The following PACRG variants were observed in gnomAD, a reference collection of about 807,000 sequenced individuals.
PACRG encodes parkin coregulated, also known as parkin coregulated gene protein.
Under a neutral mutation model 29.7 loss-of-function variants are expected in PACRG, and 29 were observed. That is an observed-to-expected ratio of 0.98 (90% CI 0.73 to 1.33). PACRG has a LOEUF of 1.33. Ranked by LOEUF, PACRG falls within the 40% of genes most tolerant of loss-of-function variation. The pLI, the probability that PACRG is intolerant of heterozygous loss-of-function variation, is 0.00. For missense variants in PACRG, 279 were observed against 316.2 expected, an observed-to-expected ratio of 0.88 and a Z score of 0.89; for synonymous variants, 116 against 118.7, an observed-to-expected ratio of 0.98 and a Z score of 0.15.
intron 2 of PACRG, among the ~76,000 whole-genome samples, chr6:163,023,810 A>G (rs962772971): frequency 2.0e-5 from 3 of 152,022 alleles, no homozygotes; most frequent in Non-Finnish European, 4.4e-5. Flanking sequence ...TTTGATTTGC[A>G]TTTCTCTGAT....
At chr6:162,905,628 A>G (rs1009121625) in intron 2 of PACRG, among the ~76,000 whole-genome samples, 5 of 152,206 alleles carry the variant, frequency 3.3e-5, no homozygotes, top group African/African-American at 1.2e-4. Context: ...AGAGAGGGAG[A>G]CAGGGAAAAA....
At chr6:163,272,043 CTTTTTTTTTT>C (rs11381981) in intron 4 of PACRG, among the ~76,000 whole-genome samples, 12 of 143,024 alleles carry the variant, frequency 8.4e-5, no homozygotes, top group Admixed American at 4.9e-4. Flanking sequence ...TTTCCTTTTT[CTTTTTTTTTT>C]TTCAAGATGG....
chr6:162,749,927 C>A (rs1354044314), intron 1 of PACRG, among the ~76,000 whole-genome samples: 5 of 152,164 alleles, frequency 3.3e-5, no homozygotes, highest in Non-Finnish European at 7.4e-5. Flanking sequence ...CTATTAAATA[C>A]ATAGTTTCTA....
intron 2 of PACRG, among the ~76,000 whole-genome samples, chr6:162,948,289 A>T (rs1186448150): frequency 6.6e-6 from 1 of 152,080 alleles, no homozygotes; most frequent in African/African-American, 2.4e-5. Flanking sequence ...CAACATACAT[A>T]GGGGGAAAAC....
At chr6:163,286,794 T>C (rs187900490) in intron 4 of PACRG, among the ~76,000 whole-genome samples, 51 of 152,276 alleles carry the variant, frequency 3.3e-4, no homozygotes, top group Non-Finnish European at 5.9e-4. Flanking sequence ...AATATGTATA[T>C]GTGGTATGTA....
intron 2 of PACRG, among the ~76,000 whole-genome samples, chr6:163,047,040 T>A (rs983155645): frequency 4.6e-5 from 7 of 152,246 alleles, no homozygotes; most frequent in African/African-American, 1.7e-4. Context: ...ATTCTACTTA[T>A]TTGGTCGAGT....
At chr6:163,266,525 A>G (rs764711575) in intron 4 of PACRG, among the ~76,000 whole-genome samples, 20 of 152,190 alleles carry the variant, frequency 1.3e-4, no homozygotes, top group Non-Finnish European at 2.4e-4. Flanking sequence ...GAGAAGCCAG[A>G]TGGGGCCAGG....
chr6:162,743,061 C>T (rs554545988), intron 1 of PACRG, among the ~76,000 whole-genome samples: 10 of 152,180 alleles, frequency 6.6e-5, no homozygotes, highest in East Asian at 1.9e-4. Context: ...TTGATGATAA[C>T]GGTTCTAACA....
intron 3 of PACRG, among the ~76,000 whole-genome samples, chr6:163,078,426 CCGGGAGA>C (rs1562893512): frequency 6.6e-6 from 1 of 151,276 alleles, no homozygotes; most frequent in Non-Finnish European, 1.5e-5. Flanking sequence ...TCACTTGAAC[CCGGGAGA>C]CGGAGGTTGC....
At chr6:163,121,366 C>A (rs1816258371) in intron 4 of PACRG, among the ~76,000 whole-genome samples, 1 of 152,140 alleles carries the variant, frequency 6.6e-6, no homozygotes, top group African/African-American at 2.4e-5. Context: ...TATTACAAAT[C>A]CTTTTGCTTA....
intron 2 of PACRG, among the ~76,000 whole-genome samples, chr6:162,925,488 T>C (rs1237559316): frequency 6.6e-6 from 1 of 152,186 alleles, no homozygotes; most frequent in Admixed American, 6.5e-5. Flanking sequence ...GCTTCATGCC[T>C]GGAATGCAAG....
chr6:163,209,818 A>G (rs956008819), intron 4 of PACRG, among the ~76,000 whole-genome samples: 2 of 152,214 alleles, frequency 1.3e-5, no homozygotes, highest in African/African-American at 4.8e-5. Flanking sequence ...AAAGTACACA[A>G]ACATATTCTT....
intron 2 of PACRG, among the ~76,000 whole-genome samples, chr6:162,884,311 A>G (rs1794150580): frequency 6.6e-6 from 1 of 152,174 alleles, no homozygotes; most frequent in Non-Finnish European, 1.5e-5. Flanking sequence ...AACTGTAACA[A>G]ATCACCAAGA....
At chr6:162,905,955 A>G (rs1210437310) in intron 2 of PACRG, among the ~76,000 whole-genome samples, 1 of 152,190 alleles carries the variant, frequency 6.6e-6, no homozygotes, top group Non-Finnish European at 1.5e-5. Context: ...TAGGAAGAAA[A>G]TGCAGCATGG....
chr6:163,282,182 CAA>C (rs1357982518), intron 4 of PACRG, among the ~76,000 whole-genome samples: 1 of 152,076 alleles, frequency 6.6e-6, no homozygotes, highest in Non-Finnish European at 1.5e-5. Context: ...CATTGTAAGT[CAA>C]AGACTTTGAG....
intron 4 of PACRG, among the ~76,000 whole-genome samples, chr6:163,277,667 A>C (rs1325751696): frequency 1.4e-5 from 2 of 147,414 alleles, no homozygotes; most frequent in Non-Finnish European, 3.0e-5. Flanking sequence ...GTGTGTGTAT[A>C]TATATCTGTA....
At chr6:162,833,494 T>C (rs1788955408) in intron 2 of PACRG, among the ~76,000 whole-genome samples, 1 of 152,220 alleles carries the variant, frequency 6.6e-6, no homozygotes, top group Non-Finnish European at 1.5e-5. Context: ...TAAAAAACAA[T>C]ATGCTAATTA....
chr6:162,747,978 G>A (rs1026352581), intron 1 of PACRG, among the ~76,000 whole-genome samples: 3 of 152,116 alleles, frequency 2.0e-5, no homozygotes, highest in Admixed American at 1.3e-4. Context: ...AATGATTTCA[G>A]ACTGCTGTGC....
At chr6:163,259,311 G>T (rs940927506) in intron 4 of PACRG, among the ~76,000 whole-genome samples, 2 of 152,132 alleles carry the variant, frequency 1.3e-5, no homozygotes, top group African/African-American at 2.4e-5. Flanking sequence ...GATTGGAAAG[G>T]GTTCTTCTGG....
Sources: gnomAD v4.1 joint callset for allele counts (sites outside exome capture counted in the v4.1 genomes callset) on GRCh38, gnomAD v4.1.1 for gene constraint, MANE v1.5 for transcripts, NCBI Gene and HGNC (gene_info 2026-07-23, HGNC 2026-07-21) for gene names.